Variants in MRPS23 observed in about 807,000 individuals in gnomAD.
The protein encoded by MRPS23 is small ribosomal subunit protein mS23.
Under a neutral mutation model 19.8 loss-of-function variants are expected in MRPS23, and 14 were observed. The observed-to-expected ratio is 0.71, with a 90% CI of 0.47 to 1.11. The LOEUF is 1.11. Ranked by LOEUF, MRPS23 falls within the 50% of genes least tolerant of loss-of-function variation. MRPS23 has a pLI of 0.00. For missense variants in MRPS23, 242 were observed against 236.7 expected, an observed-to-expected ratio of 1.02 and a Z score of -0.15; for synonymous variants, 113 against 89.7, an observed-to-expected ratio of 1.26 and a Z score of -1.47.
intron 4 of MRPS23, among the ~76,000 whole-genome samples, chr17:57,840,280 G>A (rs952633860): frequency 6.6e-5 from 10 of 152,042 alleles, no homozygotes; most frequent in African/African-American, 1.9e-4. Context: ...CCAGCTACTC[G>A]GGAGGCTGAG....
intron 4 of MRPS23, among the ~76,000 whole-genome samples, chr17:57,840,399 A>C (rs1464458903): frequency 2.6e-5 from 4 of 152,180 alleles, no homozygotes; most frequent in East Asian, 3.8e-4. Context: ...AAAAAAAAAA[A>C]AAAGTCTATA....
rs1325086176 is a variant in MRPS23 at position 57,835,212 on chromosome 17, C to A, written c.*4571G>T. 6.6e-6 allele frequency: 1 copy of A among 152,258 alleles called. No homozygotes were observed. Among genetic ancestry groups the A allele is most frequent in the African/African-American group, 2.4e-5 (1 of 41,446 alleles). 9.4% of individuals were successfully genotyped at this position (152,258 alleles called of 1,614,324 possible). ...AAATCTTGCCCCTGTAGACACCTATCCCTTATCTCTGTCTGCCACTTAGAT... is the reference window on the plus strand; with the variant it reads ...AAATCTTGCCCCTGTAGACACCTATACCTTATCTCTGTCTGCCACTTAGAT... On this transcript the variant is annotated 3_prime_UTR_variant, in exon 5 of 5. Transcript: ENST00000313608.
At position 57,841,262 on chromosome 17, in the gene MRPS23, T is replaced by C; in HGVS notation, c.216-2A>G. 1.9e-6 allele frequency: 3 copies of C among 1,612,780 alleles called. No homozygotes were observed. Among genetic ancestry groups the C allele is most frequent in the Non-Finnish European group, 2.5e-6 (3 of 1,179,518 alleles). On this transcript the variant is annotated splice_acceptor_variant, in intron 2 of 4. Coordinates refer to ENST00000313608, the MANE Select transcript of MRPS23 (RefSeq NM_016070.4). LOFTEE classifies it high-confidence loss of function. The stretch of plus-strand genomic sequence containing the variant: ...GACCCATACACTGAATAAAACTTCC[T>C]AGAAAATGCAAACAACATAATATAA...
rs984967822 is a variant in MRPS23 at position 57,837,235 on chromosome 17, T to C, written c.*2548A>G. The C allele has an allele frequency of 4.6e-5, 7 of 152,218 alleles. No homozygotes were observed. The highest frequency in any genetic ancestry group is 1.7e-4 in the African/African-American group (7 of 41,454). The allele number at this position is 152,218 out of a possible 1,614,324, so 9.4% of individuals were successfully genotyped here. ...CTTCTGGTCCAGAGTCCCAGTCTGG[T>C]TTAACAAGATCAGAATGTGTAGGGG... On this transcript the variant is annotated 3_prime_UTR_variant, in exon 5 of 5. Transcript: ENST00000313608.
chr17:57,849,478 G>A, intron 1 of MRPS23, 68 bp from the exon 2 acceptor site: 6 of 1,563,454 alleles, frequency 3.8e-6, no homozygotes, highest in Non-Finnish European at 5.2e-6. Flanking sequence ...AATCAGTCTA[G>A]CACAGTTTGG....
rs376223972 is a variant in MRPS23, at chr17:57,849,404, C to T, written c.51G>A (p.Arg17=). 1.5e-5 allele frequency: 24 copies of T among 1,613,610 alleles called. No homozygotes were observed. Among genetic ancestry groups the T allele is most frequent in the Non-Finnish European group, 1.9e-5 (22 of 1,179,952 alleles). ...TCAGCACCCCGGCCCGAACCAGGTCCCGAGTCCTTAGGGAGGGAACAGAAC... is the reference window on the plus strand; with the variant it reads ...TCAGCACCCCGGCCCGAACCAGGTCTCGAGTCCTTAGGGAGGGAACAGAAC... ...ETVGSIFSRT[R]DLVRAGVLKE... is the part of the protein sequence containing the mutation. Residue 17 remains arginine, a synonymous_variant, in exon 2 of 5, where the codon CGG becomes CGA. Transcript: ENST00000313608.
chr17:57,839,507 A>G lies in MRPS23; in HGVS notation c.*276T>C, dbSNP rs1275575141. On this transcript the variant is annotated 3_prime_UTR_variant, in exon 5 of 5. Coordinates refer to ENST00000313608, the MANE Select transcript of MRPS23 (RefSeq NM_016070.4). ...TGAGTCCCATTTGAACAATCTTTAT[A>G]AAGGTTTCTTCATGTTATTTACAAT... is the stretch of plus-strand genomic sequence containing the variant. 12 of 275,248 alleles carry G rather than the reference A, an allele frequency of 4.4e-5. No individual in the cohort carries two copies. Among genetic ancestry groups the G allele is most frequent in the African/African-American group, 8.6e-5 (4 of 46,284 alleles). 17.1% of individuals were successfully genotyped at this position (275,248 alleles called of 1,614,324 possible).
chr17:57,849,467 G>C (rs112253887), intron 1 of MRPS23, 57 bp from the exon 2 acceptor site: 14 of 1,591,314 alleles, frequency 8.8e-6, no homozygotes, highest in Admixed American at 3.4e-5. Context: ...CAAAGCCCCT[G>C]AATCAGTCTA....
Position 57,846,625 on chromosome 17 carries a change from C to G in MRPS23, c.215+2615G>C, listed in dbSNP as rs1253307525. Among the ~76,000 whole-genome samples, 9 of 152,126 alleles carry G rather than the reference C, an allele frequency of 5.9e-5. No individual in the cohort carries two copies. The East Asian group carries it at 7.7e-4, about 13-fold the overall frequency. On this transcript the variant is annotated intron_variant, in intron 2 of 4. Coordinates refer to ENST00000313608, the MANE Select transcript of MRPS23 (RefSeq NM_016070.4). Reference sequence around the variant, plus strand: ...AATCTATAACCTTACCCCCAACCCCCTGCTCTCTGAAACATGTGCTGTGTC... The same window carrying G: ...AATCTATAACCTTACCCCCAACCCCGTGCTCTCTGAAACATGTGCTGTGTC...
intron 2 of MRPS23, among the ~76,000 whole-genome samples, chr17:57,845,531 T>C (rs2144877713): frequency 6.6e-6 from 1 of 152,334 alleles, no homozygotes; most frequent in Admixed American, 6.5e-5. Flanking sequence ...TTCAAGGTAC[T>C]AAAAGCTAAT....
chr17:57,846,479 G>A (rs995032960), intron 2 of MRPS23, among the ~76,000 whole-genome samples: 2 of 152,220 alleles, frequency 1.3e-5, no homozygotes, highest in Non-Finnish European at 2.9e-5. Context: ...TAGAAAAGGG[G>A]GAAATGTGGG....
rs905488205 is a variant in MRPS23, at chr17:57,835,719, T to C, written c.*4064A>G. The C allele has an allele frequency of 1.3e-5, 2 of 152,192 alleles. No homozygotes were observed. Among genetic ancestry groups the C allele is most frequent in the African/African-American group, 4.8e-5 (2 of 41,448 alleles). 9.4% of individuals were successfully genotyped at this position (152,192 alleles called of 1,614,324 possible). A position where few individuals can be genotyped will look rare whatever the true frequency, so the allele number is the denominator to read the frequency against. On this transcript the variant is annotated 3_prime_UTR_variant, in exon 5 of 5. Coordinates refer to ENST00000313608, the MANE Select transcript of MRPS23 (RefSeq NM_016070.4). ...AAGCCAAAAAGGCAAACATTGTCCA[T>C]ATTTTACAGGCTGAAATACTGTGAC...
chr17:57,848,274 T>C (rs746588817), intron 2 of MRPS23, among the ~76,000 whole-genome samples: 56 of 151,928 alleles, frequency 3.7e-4, no homozygotes, highest in Non-Finnish European at 6.6e-4. Flanking sequence ...ACAAGTAGCA[T>C]GTGTTGCTTT....
At chr17:57,849,075 G>T (rs2073794780) in intron 2 of MRPS23, 165 bp downstream of exon 2, 1 of 804,602 alleles carries the variant, frequency 1.2e-6, no homozygotes, top group Non-Finnish European at 1.9e-6. Flanking sequence ...CAGAACTTCA[G>T]TTTCACTATG....
At chr17:57,844,068 C>T (rs2073756958) in intron 2 of MRPS23, among the ~76,000 whole-genome samples, 1 of 151,134 alleles carries the variant, frequency 6.6e-6, no homozygotes, top group African/African-American at 2.4e-5. Flanking sequence ...ACTTTTTACA[C>T]TTAGATTTTA....
At chr17:57,840,001 T>A in intron 4 of MRPS23, 66 bp from the exon 5 acceptor site, 1 of 1,578,388 alleles carries the variant, frequency 6.3e-7, no homozygotes, top group Non-Finnish European at 8.7e-7. Flanking sequence ...TCGCTAAAGA[T>A]ATATAACTAG....
Position 57,840,914 on chromosome 17 carries a change from T to G in MRPS23, c.420+12A>C. ...ATAAACCCAGTAACAATTTTAACAA[T>G]GAAATACTCACAGTCCTTGCTTCGC... On this transcript the variant is annotated intron_variant, in intron 4 of 4. Coordinates refer to ENST00000313608, the MANE Select transcript of MRPS23 (RefSeq NM_016070.4). The G allele has an allele frequency of 1.2e-6, 2 of 1,613,828 alleles. No individual in the cohort carries two copies. The highest frequency in any genetic ancestry group is 2.2e-5 in the South Asian group (2 of 91,030).
intron 3 of MRPS23, 43 bp from the exon 4 acceptor site, chr17:57,841,095 T>A (rs199552527): frequency 3.1e-6 from 5 of 1,612,594 alleles, no homozygotes; most frequent in Non-Finnish European, 3.4e-6. Context: ...TTTGTAAGCA[T>A]TGTTAAGACG....
chr17:57,844,774 T>C (rs542380861), intron 2 of MRPS23, among the ~76,000 whole-genome samples: 2 of 36,134 alleles, frequency 5.5e-5, no homozygotes, highest in Non-Finnish European at 1.2e-4. Context: ...AGACTCCATC[T>C]CAAAAAAAAA....
Sources: allele counts gnomAD v4.1 joint callset (sites outside exome capture counted in the v4.1 genomes callset), GRCh38; gene constraint gnomAD v4.1.1; transcripts MANE v1.5; gene names NCBI Gene and HGNC (gene_info 2026-07-23, HGNC 2026-07-21).